Variants in POC5 observed in about 807,000 individuals in gnomAD.
POC5 encodes POC5 centriolar protein.
A neutral mutation model predicts 62.9 loss-of-function variants in POC5; 48 were observed. The observed-to-expected ratio is 0.76, with a 90% CI of 0.61 to 0.97. The LOEUF (loss-of-function observed/expected upper bound fraction) is 0.97, where lower values mean the gene tolerates loss of function less well. Ranked by LOEUF, POC5 falls within the 50% of genes least tolerant of loss-of-function variation. POC5 has a pLI of 0.00. For missense variants in POC5, 696 were observed against 679.5 expected, an observed-to-expected ratio of 1.02 and a Z score of -0.27; for synonymous variants, 236 against 228.2, an observed-to-expected ratio of 1.03 and a Z score of -0.31.
At chr5:75,708,880 TG>T (rs1260731909) in intron 2 of POC5, among the ~76,000 whole-genome samples, 1 of 152,206 alleles carries the variant, frequency 6.6e-6, no homozygotes, top group East Asian at 1.9e-4. Context: ...TAGCCCAGGC[TG>T]GAGTGCAGTG....
Position 75,674,340 on chromosome 5 carries a change from G to T in POC5, c.*95C>A. The T allele has an allele frequency of 1.6e-6, 2 of 1,280,454 alleles. No individual in the cohort carries two copies. Among genetic ancestry groups the T allele is most frequent in the Non-Finnish European group, 2.2e-6 (2 of 926,118 alleles). The allele number at this position is 1,280,454 out of a possible 1,614,324, so 79.3% of individuals were successfully genotyped here. ...GAACAGATGAACATGATGTCTCCATGATGTTCTAACAATATGGAAAAGTTA... is the reference window on the plus strand; with the variant it reads ...GAACAGATGAACATGATGTCTCCATTATGTTCTAACAATATGGAAAAGTTA... On this transcript the variant is annotated 3_prime_UTR_variant, in exon 12 of 12. Transcript: ENST00000428202.
intron 8 of POC5, chr5:75,689,781 T>C (rs1238579387): frequency 2.6e-5 from 12 of 453,456 alleles, no homozygotes; most frequent in African/African-American, 6.4e-5. Flanking sequence ...AAGAGGCCTA[T>C]TGCATTCTTT....
Position 75,707,844 on chromosome 5 carries a change from A to G in POC5, c.116T>C (p.Ile39Thr), listed in dbSNP as rs1160072297. 6.3e-7 allele frequency: 1 copy of G among 1,591,856 alleles called. No homozygotes were observed. The highest frequency in any genetic ancestry group is 8.6e-7 in the Non-Finnish European group (1 of 1,165,964). Residue 39 changes from isoleucine (I) to threonine (T), a missense_variant, in exon 3 of 12, where the codon ATA becomes ACA. Physicochemically the swap from Ile to Thr is moderately conservative, Grantham distance 89. Transcript: ENST00000428202. ...EEYEELLHYA[I>T]VTPNIEPCAS... is the part of the protein sequence containing the mutation. Reference sequence around the variant, plus strand: ...ACAGGGTTCAATATTTGGAGTCACTATAGCATAATGAAGCAGTTCTTCATA... The same window carrying G: ...ACAGGGTTCAATATTTGGAGTCACTGTAGCATAATGAAGCAGTTCTTCATA...
Position 75,712,839 on chromosome 5 carries a change from GA to G in POC5, c.84+14del, listed in dbSNP as rs1239436891. On this transcript the variant is annotated intron_variant, in intron 2 of 11. Transcript: ENST00000428202. ...AATAAAAAAAGTCATGGTAAATTTA[GA>G]AATTTTTTCCTACCTGAAGATTCGA... 5.1e-6 allele frequency: 8 copies of G among 1,578,768 alleles called. No homozygotes were observed. The highest frequency in any genetic ancestry group is 6.9e-6 in the Non-Finnish European group (8 of 1,161,652).
At chr5:75,677,247 A>G (rs566571672) in intron 11 of POC5, among the ~76,000 whole-genome samples, 1 of 152,340 alleles carries the variant, frequency 6.6e-6, no homozygotes, top group South Asian at 2.1e-4. Context: ...TTCAAATTCA[A>G]TGCACCTTCT....
rs753054805 is a variant in POC5, at chr5:75,694,727, T to C, written c.618A>G (p.Gln206=). Residue 206 remains glutamine (Q), a synonymous_variant, in exon 6 of 12, where the codon CAA becomes CAG. Coordinates refer to ENST00000428202, the MANE Select transcript of POC5 (RefSeq NM_001099271.2). ...TCAATTCATTGATCTGATTACACAG[T>C]TGTTTTAAATGTGCTGCATGTTTTT... ...EKEKHAAHLK[Q]LCNQINELKE... 3.2e-5 allele frequency: 51 copies of C among 1,604,792 alleles called. No individual in the cohort carries two copies. The highest frequency in any genetic ancestry group is 8.5e-7 in the Non-Finnish European group (1 of 1,173,958).
chr5:75,712,422 T>C lies in POC5; in HGVS notation c.84+432A>G, dbSNP rs201349934. 6.1e-4 allele frequency: 978 copies of C among 1,612,970 alleles called. 8 individuals are homozygous for C. Among genetic ancestry groups the C allele is most frequent in the Non-Finnish European group, 1.2e-4 (139 of 1,179,074 alleles). On this transcript the variant is annotated intron_variant, in intron 2 of 11. Transcript: ENST00000428202. ...TGTCCAGGTCCTGGGCAGCAGATTG[T>C]ACTGAATGTTGTGACAACAGAGACC...
chr5:75,685,713 T>C (rs755309971), intron 9 of POC5, among the ~76,000 whole-genome samples: 3 of 152,234 alleles, frequency 2.0e-5, no homozygotes, highest in Non-Finnish European at 2.9e-5. Flanking sequence ...TGAAAGCTAA[T>C]GGATCATTTG....
At chr5:75,698,987 C>T (rs922012307) in intron 5 of POC5, among the ~76,000 whole-genome samples, 45 of 151,782 alleles carry the variant, frequency 3.0e-4, no homozygotes, top group Admixed American at 9.2e-4. Context: ...ATAAATTCCT[C>T]GACACATACA....
At position 75,677,780 on chromosome 5, in the gene POC5, G is replaced by T; in HGVS notation, c.1578C>A (p.Val526=). 1 of 1,604,806 alleles carries T rather than the reference G, an allele frequency of 6.2e-7. No homozygotes were observed. The highest frequency in any genetic ancestry group is 1.1e-5 in the South Asian group (1 of 89,638). Reference sequence around the variant, plus strand: ...TCATCAAATGTGGACTCACCACTGTGACTGGATGATGTTTTTCCACAACAA... The same window carrying T: ...TCATCAAATGTGGACTCACCACTGTTACTGGATGATGTTTTTCCACAACAA... ...SSVVVEKHHP[V]TVQTIPQATA... Residue 526 remains valine, a synonymous_variant, in exon 11 of 12, where the codon GTC becomes GTA. Coordinates refer to ENST00000428202, the MANE Select transcript of POC5 (RefSeq NM_001099271.2).
Position 75,712,944 on chromosome 5 carries a change from C to T in POC5, c.-7G>A. On this transcript the variant is annotated 5_prime_UTR_variant, in exon 2 of 12. It adds an upstream start codon to the 5' untranslated region. Coordinates refer to ENST00000428202, the MANE Select transcript of POC5 (RefSeq NM_001099271.2). ...TCTCCTCATCTGATGACATTCTGCA[C>T]AAATGCTCTAAAACAGTAGAAGCTA... 2 of 1,604,380 alleles carry T rather than the reference C, an allele frequency of 1.2e-6. No homozygotes were observed. Among genetic ancestry groups the T allele is most frequent in the South Asian group, 1.1e-5 (1 of 89,024 alleles).
intron 1 of POC5, among the ~76,000 whole-genome samples, chr5:75,714,785 C>A (rs1473826800): frequency 6.6e-6 from 1 of 152,036 alleles, no homozygotes; most frequent in Non-Finnish European, 1.5e-5. Context: ...CTACGTAGTG[C>A]GCTACTCCAA....
intron 6 of POC5, among the ~76,000 whole-genome samples, chr5:75,693,926 A>C (rs1776449513): frequency 6.6e-6 from 1 of 152,238 alleles, no homozygotes; most frequent in African/African-American, 2.4e-5. Context: ...AAGAAGCTAA[A>C]GGAAAGTGAA....
Position 75,707,754 on chromosome 5 carries a change from T to A in POC5, c.206A>T (p.Asp69Val), listed in dbSNP as rs982399255. The change falls in exon 3 of 12, where the codon GAT becomes GTT. Residue 69 changes from aspartate (D) to valine (V), a missense_variant. Physicochemically the swap from Asp to Val is radical, Grantham distance 152. Coordinates refer to ENST00000428202, the MANE Select transcript of POC5 (RefSeq NM_001099271.2). ...VPDVRISTIH[D>V]ILHSQGNNSE... The stretch of plus-strand genomic sequence containing the variant: ...TATATAACCTTGACTATGAAGAATA[T>A]CATGAATTGTAGAAATTCTGACATC... 1 of 1,545,206 alleles carries A rather than the reference T, an allele frequency of 6.5e-7. No homozygotes were observed. Among genetic ancestry groups the A allele is most frequent in the East Asian group, 2.4e-5 (1 of 41,758 alleles).
At chr5:75,675,100 G>A (rs1312383555) in intron 11 of POC5, among the ~76,000 whole-genome samples, 5 of 152,166 alleles carry the variant, frequency 3.3e-5, no homozygotes. Flanking sequence ...CCTGGGAGCA[G>A]ACTAAAACTT....
At chr5:75,717,087 T>C (rs1162031250) in intron 1 of POC5, among the ~76,000 whole-genome samples, 1 of 152,244 alleles carries the variant, frequency 6.6e-6, no homozygotes, top group Non-Finnish European at 1.5e-5. Flanking sequence ...GAACCTCTGA[T>C]GACAGTAATC....
Position 75,677,928 on chromosome 5 carries a change from G to T in POC5, c.1430C>A (p.Ser477Tyr). 6.2e-7 allele frequency: 1 copy of T among 1,601,966 alleles called. No individual in the cohort carries two copies. The change falls in exon 11 of 12, where the codon TCT becomes TAT. Residue 477 changes from serine to tyrosine, a missense_variant. Ser to Tyr is a moderately radical substitution (Grantham distance 144). Transcript: ENST00000428202. The stretch of plus-strand genomic sequence containing the variant: ...AGTTCTTCCTGCTTTCTGTTGTGCA[G>T]AGGTTACAACTCTTGGCACATACTA... Reference protein sequence around the residue: ...EEMYVPRVVTSAQQKAGRTIT... With the variant: ...EEMYVPRVVTYAQQKAGRTIT...
Position 75,697,257 on chromosome 5 carries a change from G to C in POC5, c.514-2426C>G, listed in dbSNP as rs569434729. Among the ~76,000 whole-genome samples the C allele has an allele frequency of 9.2e-5, 14 of 152,294 alleles. No individual in the cohort carries two copies. The South Asian group carries it at 2.7e-3, about 29-fold the overall frequency. ...GCAACACCAAGACACATAATTGTCAGATTCGCCAAAGTTGAAATGAAGGAA... is the reference window on the plus strand; with the variant it reads ...GCAACACCAAGACACATAATTGTCACATTCGCCAAAGTTGAAATGAAGGAA... On this transcript the variant is annotated intron_variant, in intron 5 of 11. Coordinates refer to ENST00000428202, the MANE Select transcript of POC5 (RefSeq NM_001099271.2).
intron 6 of POC5, 135 bp downstream of exon 6, chr5:75,694,520 C>A: frequency 1.5e-6 from 1 of 682,704 alleles, no homozygotes; most frequent in Non-Finnish European, 2.3e-6. Flanking sequence ...AGAATAAATC[C>A]AATGGCTATG....
Sources: gnomAD v4.1 joint callset for allele counts (sites outside exome capture counted in the v4.1 genomes callset) on GRCh38, gnomAD v4.1.1 for gene constraint, MANE v1.5 for transcripts, NCBI Gene and HGNC (gene_info 2026-07-23, HGNC 2026-07-21) for gene names.